Variants in SEMA5B observed in about 807,000 individuals in gnomAD.
The protein encoded by SEMA5B is semaphorin 5B, also known as semaphorin-5B.
A neutral mutation model predicts 135.0 loss-of-function variants in SEMA5B; 66 were observed. The ratio of observed to expected loss-of-function variants is 0.49; its 90% confidence interval spans 0.40 to 0.60. The LOEUF (loss-of-function observed/expected upper bound fraction) is 0.60, where lower values mean the gene tolerates loss of function less well. SEMA5B is among the 20% of genes least tolerant of loss of function. The pLI is 0.00. For missense variants in SEMA5B, 1,501 were observed against 1,566.3 expected, an observed-to-expected ratio of 0.96 and a Z score of 0.70; for synonymous variants, 690 against 639.5, an observed-to-expected ratio of 1.08 and a Z score of -1.19.
At chr3:122,964,266 C>A (rs79628005) in intron 1 of SEMA5B, among the ~76,000 whole-genome samples, 4 of 152,166 alleles carry the variant, frequency 2.6e-5, no homozygotes, top group African/African-American at 9.7e-5. Flanking sequence ...GCACCTGTAC[C>A]TCAGTGGATC....
At chr3:122,940,150 C>A (rs1351608001) in intron 4 of SEMA5B, among the ~76,000 whole-genome samples, 6 of 152,240 alleles carry the variant, frequency 3.9e-5, no homozygotes, top group African/African-American at 1.4e-4. Flanking sequence ...CCAGACTTAT[C>A]AACCTCAAAC....
chr3:122,999,360 G>A (rs1389438427), intron 1 of SEMA5B, among the ~76,000 whole-genome samples: 2 of 152,032 alleles, frequency 1.3e-5, no homozygotes, highest in African/African-American at 4.8e-5. Flanking sequence ...CCAAGTAGCT[G>A]GGATTACAGG....
In SEMA5B at chr3:122,977,259, C is replaced by T. The variant is rs145238155; in HGVS notation, c.-38-15958G>A. Among the ~76,000 whole-genome samples the T allele has an allele frequency of 1.2e-3, 180 of 152,332 alleles. 1 individual carries two copies. The highest frequency in any genetic ancestry group is 4.0e-3 in the African/African-American group (168 of 41,582). ...CCTTTGTAAAGGGCCATATGGTTAA[C>T]AGAAAGTAATCCCTGACTCCGTGCT... On this transcript the variant is annotated intron_variant, in intron 1 of 22. Coordinates refer to ENST00000357599, the MANE Select transcript of SEMA5B (RefSeq NM_001031702.4).
chr3:122,946,346 G>C (rs1276319061), intron 3 of SEMA5B, among the ~76,000 whole-genome samples: 1 of 152,138 alleles, frequency 6.6e-6, no homozygotes, highest in Non-Finnish European at 1.5e-5. Flanking sequence ...GTGACTGGCA[G>C]CTCCTCTAGG....
chr3:122,986,045 A>G (rs534391145), intron 1 of SEMA5B, among the ~76,000 whole-genome samples: 220 of 152,302 alleles, frequency 1.4e-3, no homozygotes, highest in African/African-American at 5.1e-3. Flanking sequence ...ATTGTGTTCA[A>G]TGAGATTTAA....
chr3:123,001,232 C>G (rs1182008563), intron 1 of SEMA5B, among the ~76,000 whole-genome samples: 5 of 152,150 alleles, frequency 3.3e-5, no homozygotes, highest in African/African-American at 1.2e-4. Flanking sequence ...CATCCCCACC[C>G]TCTCTCATAC....
At chr3:122,976,513 G>A (rs1028344684) in intron 1 of SEMA5B, among the ~76,000 whole-genome samples, 1 of 152,148 alleles carries the variant, frequency 6.6e-6, no homozygotes, top group Non-Finnish European at 1.5e-5. Context: ...GGTTGGGCCT[G>A]TGCATCCATG....
At position 122,932,867 on chromosome 3, in the gene SEMA5B, C is replaced by T. The variant is rs561816862; in HGVS notation, c.475-3809G>A. ...CCAAGTAGCTGGGAACACAAGTGCA[C>T]ACCACCACACTTGGCTAGTTTTTAA... On this transcript the variant is annotated intron_variant, in intron 5 of 22. Transcript: ENST00000357599. 5.3e-5 allele frequency among the ~76,000 whole-genome samples: 8 copies of T among 152,262 alleles called. No homozygotes were observed. The South Asian group carries it at 1.4e-3, about 28-fold the overall frequency.
rs191942058 is a variant in SEMA5B, at chr3:122,910,182, G to T, written c.3417C>A (p.Pro1139=). The T allele has an allele frequency of 1.9e-6, 3 of 1,614,108 alleles. No homozygotes were observed. The highest frequency in any genetic ancestry group is 1.3e-5 in the African/African-American group (1 of 74,940). Residue 1139 remains proline (P), a synonymous_variant, in exon 23 of 23, where the codon CCC becomes CCA. Coordinates refer to ENST00000357599, the MANE Select transcript of SEMA5B (RefSeq NM_001031702.4). Reference sequence around the variant, plus strand: ...AGCACCGTTGTCCAGGTGAGGCCTCGGGCCGGAAGCTGTGTTTGTTCAGGG... The same window carrying T: ...AGCACCGTTGTCCAGGTGAGGCCTCTGGCCGGAAGCTGTGTTTGTTCAGGG... ...PSPLNKHSFR[P]EASPGQRCFP...
At position 122,911,425 on chromosome 3, in the gene SEMA5B, G is replaced by A. The variant is rs770335724; in HGVS notation, c.3091+66C>T. On this transcript the variant is annotated intron_variant, in intron 21 of 22. Transcript: ENST00000357599. The stretch of plus-strand genomic sequence containing the variant: ...TGGAGCAGGATGTGGAAAGAGTCCA[G>A]ACTTTGGAGTGGGGTGCCGGAGGGC... The A allele has an allele frequency of 1.9e-6, 3 of 1,575,056 alleles. No homozygotes were observed. The African/African-American group carries it at 4.0e-5, about 21-fold the overall frequency.
At chr3:123,021,724 G>A (rs937475657) in intron 1 of SEMA5B, among the ~76,000 whole-genome samples, 5 of 152,222 alleles carry the variant, frequency 3.3e-5, no homozygotes, top group Admixed American at 2.6e-4. Context: ...GGCAGGGAAC[G>A]AAACTGCGGA....
At chr3:123,027,786 G>T (rs1434962124), upstream of SEMA5B, 2 of 152,470 alleles carry the variant, frequency 1.3e-5, no homozygotes, top group Non-Finnish European at 2.9e-5. Flanking sequence ...GGAGCAGAAG[G>T]AGGGAGGGGG....
chr3:122,926,738 T>G, intron 8 of SEMA5B, 61 bp from the exon 9 acceptor site: 1 of 1,570,232 alleles, frequency 6.4e-7, no homozygotes, highest in Middle Eastern at 2.0e-4. Context: ...GATGGCAGAG[T>G]CGGGAGGACT....
At chr3:122,995,224 T>C (rs926985084) in intron 1 of SEMA5B, among the ~76,000 whole-genome samples, 1 of 152,132 alleles carries the variant, frequency 6.6e-6, no homozygotes, top group African/African-American at 2.4e-5. Flanking sequence ...AAAATGTTAG[T>C]CTGGGGTTTT....
intron 1 of SEMA5B, among the ~76,000 whole-genome samples, chr3:122,993,424 C>T (rs750186703): frequency 8.5e-5 from 13 of 152,176 alleles, no homozygotes; most frequent in Non-Finnish European, 1.5e-4. Flanking sequence ...GATTTATCCT[C>T]GTGGGGTGGA....
intron 1 of SEMA5B, among the ~76,000 whole-genome samples, chr3:122,964,169 A>G (rs983974496): frequency 1.3e-5 from 2 of 151,870 alleles, no homozygotes; most frequent in Non-Finnish European, 2.9e-5. Context: ...TGGTCCTACA[A>G]TTTCCCCAAA....
chr3:122,934,807 A>C (rs536144052), intron 5 of SEMA5B, among the ~76,000 whole-genome samples: 1 of 151,352 alleles, frequency 6.6e-6, no homozygotes, highest in Non-Finnish European at 1.5e-5. Flanking sequence ...CTTGAGGCCA[A>C]GAGTTGGAGG....
rs372681601 is a variant in SEMA5B, at chr3:122,912,013, G to A, written c.2953C>T (p.Arg985Ter). 1.2e-6 allele frequency: 2 copies of A among 1,613,762 alleles called. No homozygotes were observed. Among genetic ancestry groups the A allele is most frequent in the Non-Finnish European group, 1.7e-6 (2 of 1,179,840 alleles). ...AGGAGCTCCTCACAGTGCCGGCTTC[G>A]GCTCTGGGCTCCGTCGTCAGTGCAC... is the stretch of plus-strand genomic sequence containing the variant. ...SKCTDDGAQS[R>*]SRHCEELLPG... The change falls in exon 20 of 23, where the codon CGA becomes TGA. Residue 985 changes from arginine to a stop codon, truncating the protein, a stop_gained. Transcript: ENST00000357599. LOFTEE classifies it high-confidence loss of function.
chr3:122,947,917 T>A (rs1430612556), intron 3 of SEMA5B, among the ~76,000 whole-genome samples: 1 of 152,128 alleles, frequency 6.6e-6, no homozygotes, highest in Non-Finnish European at 1.5e-5. Flanking sequence ...TTTTAGCAAG[T>A]ATTAGAATGT....
Sources: allele counts gnomAD v4.1 joint callset (sites outside exome capture counted in the v4.1 genomes callset), GRCh38; gene constraint gnomAD v4.1.1; transcripts MANE v1.5; gene names NCBI Gene and HGNC (gene_info 2026-07-23, HGNC 2026-07-21).